TMEM11: variants seen among roughly 807,000 people sequenced by gnomAD.
The protein encoded by TMEM11 is transmembrane protein 11, mitochondrial.
TMEM11 carries 1 observed loss-of-function variant against 17.0 expected under a neutral mutation model. That is an observed-to-expected ratio of 0.06 (90% confidence interval 0.02 to 0.28). TMEM11 has a LOEUF of 0.28. Among genes scored for constraint, TMEM11 ranks in the 10% least tolerant of loss-of-function variants. The probability of loss-of-function intolerance (pLI) is 1.00; values close to 1 mark genes in which losing one functional copy is unlikely to be tolerated. For missense variants in TMEM11, 172 were observed against 252.9 expected (o/e 0.68, Z 2.17); for synonymous variants, 122 against 118.1 (o/e 1.03, Z -0.21).
At chr17:21,204,427 C>T (rs1188724368) in intron 1 of TMEM11, among the ~76,000 whole-genome samples, 2 of 120,988 alleles carry the variant, frequency 1.7e-5, no homozygotes, top group East Asian at 2.2e-4. Context: ...AGTAAAACTC[C>T]GTCTCAATAA....
intron 1 of TMEM11, chr17:21,210,875 A>T: frequency 8.2e-7 from 1 of 1,225,552 alleles, no homozygotes; most frequent in Non-Finnish European, 1.0e-6. Context: ...TCAGAAGCAG[A>T]TCAAGTACAT....
chr17:21,199,297 A>G (rs2144286193), intron 1 of TMEM11, among the ~76,000 whole-genome samples: 1 of 141,056 alleles, frequency 7.1e-6, no homozygotes, highest in East Asian at 2.1e-4. Flanking sequence ...ATTGCACTCC[A>G]GCCTGGGTGA....
chr17:21,211,089 G>A (rs1379744515), intron 1 of TMEM11: 1 of 1,289,814 alleles, frequency 7.8e-7, no homozygotes, highest in Admixed American at 2.3e-5. Context: ...TTCCTAGATG[G>A]GCAAGTGTGT....
intron 1 of TMEM11, among the ~76,000 whole-genome samples, chr17:21,210,393 C>T (rs768343419): frequency 6.6e-6 from 1 of 152,208 alleles, no homozygotes; most frequent in African/African-American, 2.4e-5. Flanking sequence ...AACCCCCACA[C>T]ACTTGGGTGC....
chr17:21,202,029 C>T (rs759005261), intron 1 of TMEM11, among the ~76,000 whole-genome samples: 3 of 152,228 alleles, frequency 2.0e-5, no homozygotes, highest in South Asian at 2.1e-4. Flanking sequence ...AGTGCCCCCA[C>T]GTGCTCAGAT....
intron 1 of TMEM11, among the ~76,000 whole-genome samples, chr17:21,203,131 A>C (rs1307331433): frequency 6.6e-6 from 1 of 152,236 alleles, no homozygotes; most frequent in Non-Finnish European, 1.5e-5. Flanking sequence ...CTGGGAAAGG[A>C]CAACACGTGA....
intron 1 of TMEM11, among the ~76,000 whole-genome samples, chr17:21,203,514 C>T (rs1362352337): frequency 2.0e-5 from 3 of 151,962 alleles, no homozygotes; most frequent in African/African-American, 4.8e-5. Context: ...GTCAGGAGTT[C>T]GAGACCAGCC....
Position 21,198,097 on chromosome 17 carries a change from C to T in TMEM11, c.*227G>A, listed in dbSNP as rs550510953. The T allele has an allele frequency of 1.2e-5, 7 of 561,398 alleles. No homozygotes were observed. Among genetic ancestry groups the T allele is most frequent in the Admixed American group, 6.8e-5 (2 of 29,572 alleles). 34.8% of individuals were successfully genotyped at this position (561,398 alleles called of 1,614,324 possible). On this transcript the variant is annotated 3_prime_UTR_variant, in exon 2 of 2. Transcript: ENST00000317635. This position sits in a 1 kb window ranked among gnomAD's most constrained non-coding sequence, Gnocchi z 6.5. ...CTCCATCAGCATTCCACTGCCCAGTCGGACTTCCACAGCCTCAGACCCCCC... is the reference window on the plus strand; with the variant it reads ...CTCCATCAGCATTCCACTGCCCAGTTGGACTTCCACAGCCTCAGACCCCCC...
At chr17:21,209,090 C>T (rs1308594302) in intron 1 of TMEM11, among the ~76,000 whole-genome samples, 3 of 152,230 alleles carry the variant, frequency 2.0e-5, no homozygotes, top group African/African-American at 7.2e-5. Flanking sequence ...GGCATGCGGC[C>T]CCATGGCCTG....
chr17:21,206,051 G>T (rs1291554034), intron 1 of TMEM11, among the ~76,000 whole-genome samples: 2 of 151,780 alleles, frequency 1.3e-5, no homozygotes, highest in Non-Finnish European at 2.9e-5. Flanking sequence ...TTTTTTTGGG[G>T]GGGGGGTATA....
chr17:21,208,030 T>A (rs1479591636), intron 1 of TMEM11, among the ~76,000 whole-genome samples: 1 of 149,576 alleles, frequency 6.7e-6, no homozygotes, highest in Non-Finnish European at 1.5e-5. Context: ...TCTCGCTCTG[T>A]CGCCCAGGCT....
intron 1 of TMEM11, among the ~76,000 whole-genome samples, chr17:21,207,397 G>A (rs1182903731): frequency 6.6e-6 from 1 of 151,850 alleles, no homozygotes; most frequent in Non-Finnish European, 1.5e-5. Context: ...GGGCGTGGTG[G>A]TGCATGCCTG....
chr17:21,201,275 C>G (rs754140782), intron 1 of TMEM11, among the ~76,000 whole-genome samples: 1 of 152,202 alleles, frequency 6.6e-6, no homozygotes, highest in African/African-American at 2.4e-5. Context: ...CTTGGGCAAA[C>G]GGAACTCTTT....
chr17:21,200,292 C>T (rs1463623625), intron 1 of TMEM11, among the ~76,000 whole-genome samples: 2 of 152,242 alleles, frequency 1.3e-5, no homozygotes, highest in Admixed American at 6.5e-5. Flanking sequence ...GCTATCCATG[C>T]CTTGTCATCT....
In TMEM11 at chr17:21,214,135, C is replaced by T. The variant is rs780980148; in HGVS notation, c.18G>A (p.Arg6=). The T allele has an allele frequency of 6.2e-7, 1 of 1,612,332 alleles. No individual in the cohort carries two copies. Among genetic ancestry groups the T allele is most frequent in the Non-Finnish European group, 8.5e-7 (1 of 1,179,680 alleles). MAAWG[R]RRLGPGSSGG... is the part of the protein sequence containing the mutation. ...CACTGCTGCCCGGGCCAAGACGCCT[C>T]CTTCCCCAAGCGGCCATCTTGGAGA... The change falls in exon 1 of 2, where the codon AGG becomes AGA. Residue 6 remains arginine (R), a synonymous_variant. Coordinates refer to ENST00000317635, the MANE Select transcript of TMEM11 (RefSeq NM_003876.3).
intron 1 of TMEM11, among the ~76,000 whole-genome samples, chr17:21,205,836 G>A (rs1461207458): frequency 6.6e-6 from 1 of 151,992 alleles, no homozygotes; most frequent in African/African-American, 2.4e-5. Flanking sequence ...ATTCCACAGA[G>A]CATAACGAGT....
Position 21,212,646 on chromosome 17 carries a change from A to G in TMEM11, c.62+1445T>C, listed in dbSNP as rs572619349. 2.6e-5 allele frequency among the ~76,000 whole-genome samples: 4 copies of G among 152,394 alleles called. No homozygotes were observed. In the East Asian group the frequency reaches 5.8e-4, roughly 22 times the overall value. On this transcript the variant is annotated intron_variant, in intron 1 of 1. Transcript: ENST00000317635. ...TCTCAGCATCTATTTTCTTAGATCAATAAAAGCTTAACCTGTGCTGGCAAG... is the reference window on the plus strand; with the variant it reads ...TCTCAGCATCTATTTTCTTAGATCAGTAAAAGCTTAACCTGTGCTGGCAAG...
At chr17:21,204,134 A>G (rs1444063492) in intron 1 of TMEM11, among the ~76,000 whole-genome samples, 2 of 150,786 alleles carry the variant, frequency 1.3e-5, no homozygotes, top group East Asian at 3.9e-4. Flanking sequence ...AAAAAAAAAA[A>G]AAAAAGAAAG....
intron 1 of TMEM11, among the ~76,000 whole-genome samples, chr17:21,199,328 G>GAAAAAAAAAAT (rs1974856456): frequency 1.3e-5 from 1 of 78,312 alleles, no homozygotes; most frequent in Non-Finnish European, 2.3e-5. Flanking sequence ...CTCAGTCTCA[G>GAAAAAAAAAAT]AAAAAAAAAA....
Sources: gnomAD v4.1 joint callset for allele counts (sites outside exome capture counted in the v4.1 genomes callset) on GRCh38, gnomAD v4.1.1 for gene constraint, Gnocchi (gnomAD v3.1) non-coding constraint, MANE v1.5 for transcripts, NCBI Gene and HGNC (gene_info 2026-07-23, HGNC 2026-07-21) for gene names.